The following RASGRF1 variants were observed in gnomAD, a reference collection of about 807,000 sequenced individuals.
The protein encoded by RASGRF1 is ras-specific guanine nucleotide-releasing factor 1.
RASGRF1 carries 40 observed loss-of-function variants against 138.7 expected under a neutral mutation model. The ratio of observed to expected loss-of-function variants is 0.29; its 90% CI spans 0.22 to 0.38. RASGRF1 has a LOEUF of 0.38. RASGRF1 is among the 10% of genes least tolerant of loss of function. The pLI is 1.00. For missense variants in RASGRF1, 1,108 were observed against 1,650.4 expected (o/e 0.67, Z 5.69); for synonymous variants, 614 against 663.2 (o/e 0.93, Z 1.14).
At position 79,077,713 on chromosome 15, in the gene RASGRF1, T is replaced by G. The variant is rs182647680; in HGVS notation, c.276+12510A>C. Among the ~76,000 whole-genome samples, 501 of 152,286 alleles carry G rather than the reference T, an allele frequency of 3.3e-3. 1 individual carries two copies. The highest frequency in any genetic ancestry group is 0.011 in the African/African-American group (477 of 41,554). The stretch of plus-strand genomic sequence containing the variant: ...AACTGGCTGCCAGTTGTATCCGTTT[T>G]TCCTCTCTAGTATTTCTGGAATCTG... On this transcript the variant is annotated intron_variant, in intron 1 of 26. Transcript: ENST00000558480.
At chr15:79,054,380 T>C (rs2057481550) in intron 3 of RASGRF1, among the ~76,000 whole-genome samples, 1 of 152,236 alleles carries the variant, frequency 6.6e-6, no homozygotes, top group South Asian at 2.1e-4. Context: ...CCCTCCATTC[T>C]GTTACATACA....
In RASGRF1 at chr15:79,078,132, G is replaced by GGTGT. The variant is rs143462965; in HGVS notation, c.276+12087_276+12090dup. Among the ~76,000 whole-genome samples, 36 of 148,268 alleles carry GGTGT rather than the reference G, an allele frequency of 2.4e-4. No homozygotes were observed. In the South Asian group the frequency reaches 5.4e-3, roughly 22 times the overall value. On this transcript the variant is annotated intron_variant, in intron 1 of 26. Coordinates refer to ENST00000558480, the MANE Select transcript of RASGRF1 (RefSeq NM_001145648.3). ...GGAGTGGCTGTGCTACAGAGAACCT[G>GGTGT]GTGTGTGTGTGTGTGTGTGTGCATG...
At chr15:79,042,793 G>A (rs1321026111) in intron 5 of RASGRF1, among the ~76,000 whole-genome samples, 1 of 152,206 alleles carries the variant, frequency 6.6e-6, no homozygotes, top group Non-Finnish European at 1.5e-5. Context: ...CACAATGCAG[G>A]TCCCACAAAG....
At chr15:79,003,175 T>C (rs2056578751) in intron 15 of RASGRF1, among the ~76,000 whole-genome samples, 1 of 152,242 alleles carries the variant, frequency 6.6e-6, no homozygotes, top group Admixed American at 6.5e-5. Context: ...CTTTTCTTGC[T>C]CCTCAGTCAT....
At chr15:78,972,408 CT>C (rs555344686) in intron 25 of RASGRF1, among the ~76,000 whole-genome samples, 2,273 of 142,324 alleles carry the variant, frequency 0.016, 24 homozygotes, top group South Asian at 0.038. Context: ...TGTTTTTTTT[CT>C]TTTTTTTTTT....
chr15:78,991,227 A>G (rs2056260708), intron 21 of RASGRF1, among the ~76,000 whole-genome samples: 2 of 152,272 alleles, frequency 1.3e-5, no homozygotes, highest in Admixed American at 6.5e-5. Context: ...AGAAAATTAC[A>G]TAAGTAGAAT....
chr15:79,012,472 G>A (rs369223372), intron 13 of RASGRF1: 31 of 1,516,262 alleles, frequency 2.0e-5, no homozygotes, highest in South Asian at 1.9e-4. Flanking sequence ...TGAATTTCCC[G>A]AGGACGGAGA....
At chr15:79,038,147 C>T (rs1291904543) in intron 5 of RASGRF1, among the ~76,000 whole-genome samples, 1 of 152,020 alleles carries the variant, frequency 6.6e-6, no homozygotes, top group Non-Finnish European at 1.5e-5. Flanking sequence ...AGTCTGTGGC[C>T]CAGGGATTGG....
At chr15:79,049,390 G>A in intron 4 of RASGRF1, 106 bp downstream of exon 4, 1 of 1,023,110 alleles carries the variant, frequency 9.8e-7, no homozygotes, top group Non-Finnish European at 1.5e-6. Flanking sequence ...GGGGATGGGG[G>A]GCACGCTCTG....
chr15:78,978,205 T>A (rs1052718598), intron 24 of RASGRF1, among the ~76,000 whole-genome samples: 1 of 134,140 alleles, frequency 7.5e-6, no homozygotes, highest in Non-Finnish European at 1.6e-5. Flanking sequence ...CTTCTTTTTC[T>A]TTTTCTTTTC....
chr15:79,074,480 G>A (rs1053663446), intron 1 of RASGRF1, among the ~76,000 whole-genome samples: 1 of 152,228 alleles, frequency 6.6e-6, no homozygotes, highest in Non-Finnish European at 1.5e-5. Flanking sequence ...CACTCACCAG[G>A]TTGTGAGGGC....
chr15:79,089,744 G>A (rs1006644835), intron 1 of RASGRF1, among the ~76,000 whole-genome samples: 1 of 152,268 alleles, frequency 6.6e-6, no homozygotes, highest in African/African-American at 2.4e-5. Context: ...GCGAGGCAAG[G>A]GCTGGCAGCG....
Position 79,034,968 on chromosome 15 carries a change from A to C in RASGRF1, c.958+163T>G, listed in dbSNP as rs187482071. On this transcript the variant is annotated intron_variant, in intron 6 of 26. Coordinates refer to ENST00000558480, the MANE Select transcript of RASGRF1 (RefSeq NM_001145648.3). The stretch of plus-strand genomic sequence containing the variant: ...TATCATTTCCTCTTAGAAATACAGC[A>C]TTTGCCAACTTGTCTTTTCTCTTCT... Among the ~76,000 whole-genome samples the C allele has an allele frequency of 7.5e-3, 1,139 of 152,346 alleles. 8 individuals carry two copies. Among genetic ancestry groups the C allele is most frequent in the African/African-American group, 0.027 (1,104 of 41,574 alleles).
chr15:79,008,181 A>C (rs914626809), intron 13 of RASGRF1, among the ~76,000 whole-genome samples: 1 of 152,244 alleles, frequency 6.6e-6, no homozygotes, highest in Non-Finnish European at 1.5e-5. Context: ...AGGAGTGCAG[A>C]TAGTGCTCAG....
At position 79,004,111 on chromosome 15, in the gene RASGRF1, A is replaced by G; in HGVS notation, c.2140T>C (p.Ser714Pro). The G allele has an allele frequency of 6.2e-7, 1 of 1,613,202 alleles. No homozygotes were observed. The highest frequency in any genetic ancestry group is 1.1e-5 in the South Asian group (1 of 90,954). ...GAGAACTTGCGGGTGGCGCGCGGGG[A>G]CTTGGGGGGTTCACCGTACAGGAGC... Reference protein sequence around the residue: ...NKLLYGEPPKSPRATRKFSSP... With the variant: ...NKLLYGEPPKPPRATRKFSSP... The change falls in exon 15 of 27, where the codon TCC (serine) becomes CCC (proline). Residue 714 changes from serine (S) to proline (P), a missense_variant. By Grantham distance (74) the Ser-to-Pro change is moderately conservative. Coordinates refer to ENST00000558480, the MANE Select transcript of RASGRF1 (RefSeq NM_001145648.3).
chr15:79,072,448 T>G (rs2057774265), intron 1 of RASGRF1, among the ~76,000 whole-genome samples: 1 of 150,946 alleles, frequency 6.6e-6, no homozygotes, highest in Non-Finnish European at 1.5e-5. Flanking sequence ...GCTAATTTTT[T>G]GTATTTTTAG....
chr15:78,995,939 T>G, intron 19 of RASGRF1, 139 bp from the exon 20 acceptor site: 1 of 772,598 alleles, frequency 1.3e-6, no homozygotes, highest in Non-Finnish European at 2.1e-6. Flanking sequence ...CCCTTTCCCC[T>G]TCCTCCTTCA....
intron 13 of RASGRF1, among the ~76,000 whole-genome samples, chr15:79,012,864 G>A (rs2056822257): frequency 6.6e-6 from 1 of 152,094 alleles, no homozygotes; most frequent in Admixed American, 6.5e-5. Context: ...TGTATTTTTA[G>A]TAGAGACGAG....
chr15:79,014,914 C>G (rs1251877147), intron 13 of RASGRF1, among the ~76,000 whole-genome samples: 1 of 76,422 alleles, frequency 1.3e-5, no homozygotes, highest in Non-Finnish European at 2.7e-5. Flanking sequence ...AAGACTTGGT[C>G]TCAAAAAAAC....
Sources: gnomAD v4.1 joint callset for allele counts (sites outside exome capture counted in the v4.1 genomes callset) on GRCh38, gnomAD v4.1.1 for gene constraint, MANE v1.5 for transcripts, NCBI Gene and HGNC (gene_info 2026-07-23, HGNC 2026-07-21) for gene names.